The following SV2C variants were observed in gnomAD, a reference collection of about 807,000 sequenced individuals.
SV2C encodes the protein synaptic vesicle glycoprotein 2C.
Under a neutral mutation model 79.7 loss-of-function variants are expected in SV2C, and 49 were observed. That is an observed-to-expected ratio of 0.61 (90% CI 0.49 to 0.78). SV2C has a LOEUF of 0.78. Among genes scored for constraint, SV2C ranks in the 30% least tolerant of loss-of-function variants. SV2C has a pLI of 0.00. For synonymous variants in SV2C, 334 were observed against 333.2 expected, an observed-to-expected ratio of 1.00 and a Z score of -0.03; for missense variants, 833 against 912.9, an observed-to-expected ratio of 0.91 and a Z score of 1.13.
rs139875714 is a variant in SV2C, at chr5:76,169,704, T to G, written c.581-25215T>G. Among the ~76,000 whole-genome samples the G allele has an allele frequency of 2.1e-3, 315 of 152,318 alleles. 3 individuals carry two copies. The highest frequency in any genetic ancestry group is 4.6e-3 in the African/African-American group (190 of 41,582). On this transcript the variant is annotated intron_variant, in intron 2 of 12. Coordinates refer to ENST00000502798, the MANE Select transcript of SV2C (RefSeq NM_014979.4). ...ACCGATTAAGGAAGCTCACAGACAC[T>G]GTTGATGCTGCTTGGAAACCAGTCC...
the SV2C span, among the ~76,000 whole-genome samples, chr5:75,958,645 T>C: frequency 3.3e-4 from 50 of 152,024 alleles, no homozygotes; most frequent in Admixed American, 1.6e-3. Flanking sequence ...TAGTCACTAC[T>C]TCTGGCTTTG....
At chr5:76,010,918 C>T in the SV2C span, among the ~76,000 whole-genome samples, 1 of 152,118 alleles carries the variant, frequency 6.6e-6, no homozygotes. Context: ...TACTGGTGGG[C>T]TCATTGAACC....
the SV2C span, among the ~76,000 whole-genome samples, chr5:75,997,439 C>T: frequency 2.6e-5 from 4 of 151,862 alleles, no homozygotes; most frequent in Admixed American, 2.6e-4. Context: ...GCAATCTACT[C>T]ATCTGACAAA....
intron 2 of SV2C, among the ~76,000 whole-genome samples, chr5:76,163,879 G>A (rs1742966810): frequency 6.6e-6 from 1 of 152,130 alleles, no homozygotes; most frequent in African/African-American, 2.4e-5. Context: ...AGGGCAAATG[G>A]AAGGAACCTC....
At chr5:76,151,276 G>A (rs1749595146) in intron 2 of SV2C, among the ~76,000 whole-genome samples, 1 of 152,188 alleles carries the variant, frequency 6.6e-6, no homozygotes, top group Non-Finnish European at 1.5e-5. Context: ...ATAGATTACA[G>A]TTCCAGTTTG....
chr5:76,123,866 A>G (rs1748616801), intron 1 of SV2C, among the ~76,000 whole-genome samples: 1 of 152,174 alleles, frequency 6.6e-6, no homozygotes, highest in African/African-American at 2.4e-5. Flanking sequence ...CACTAACCCA[A>G]CAAATGAGAA....
the SV2C span, among the ~76,000 whole-genome samples, chr5:75,945,490 AT>A: frequency 4.6e-5 from 7 of 150,968 alleles, no homozygotes; most frequent in African/African-American, 1.5e-4. Flanking sequence ...TATTATTATT[AT>A]TTTTTTTGGT....
At chr5:76,046,130 G>A in the SV2C span, among the ~76,000 whole-genome samples, 1 of 152,050 alleles carries the variant, frequency 6.6e-6, no homozygotes, top group Admixed American at 6.5e-5. Context: ...AGGGTGAGGG[G>A]GAAGGAAGTG....
At position 76,091,007 on chromosome 5, in the gene SV2C, A is replaced by G. The variant is rs934935296; in HGVS notation, c.-102+7495A>G. 2.0e-5 allele frequency among the ~76,000 whole-genome samples: 3 copies of G among 152,260 alleles called. No individual in the cohort carries two copies. In the East Asian group the frequency reaches 5.8e-4, roughly 29 times the overall value. ...TTTAATATCACTTTTTAGTAGTTCT[A>G]AGCACGCCAATTTTCTTGATTTCAT... On this transcript the variant is annotated intron_variant, in intron 1 of 12. Transcript: ENST00000502798.
chr5:76,227,232 C>T (rs947832220), intron 4 of SV2C, among the ~76,000 whole-genome samples: 6 of 152,144 alleles, frequency 3.9e-5, no homozygotes, highest in Non-Finnish European at 1.5e-5. Context: ...GCAGAAGACC[C>T]CATAGTGAAC....
rs369471015 is a variant in SV2C, at chr5:76,182,772, T to A, written c.581-12147T>A. 1.1e-4 allele frequency among the ~76,000 whole-genome samples: 17 copies of A among 152,204 alleles called. No individual in the cohort carries two copies. The East Asian group carries it at 2.3e-3, about 21-fold the overall frequency. ...AAAGAAATACCTGAGACTGGGTAAT[T>A]TATAAAGAAAGGGTCGTGATGCTGC... On this transcript the variant is annotated intron_variant, in intron 2 of 12. Transcript: ENST00000502798.
At chr5:76,277,256 C>G (rs1747050256) in intron 4 of SV2C, among the ~76,000 whole-genome samples, 1 of 152,174 alleles carries the variant, frequency 6.6e-6, no homozygotes, top group South Asian at 2.1e-4. Flanking sequence ...TACATATTTA[C>G]CCAAGGAAAT....
chr5:76,112,873 T>C lies in SV2C; in HGVS notation c.-101-18777T>C, dbSNP rs1359163561. On this transcript the variant is annotated intron_variant, in intron 1 of 12. Coordinates refer to ENST00000502798, the MANE Select transcript of SV2C (RefSeq NM_014979.4). ...TTATACCTTCCTCCATGGCACTAATTTATAGTGGATAACAATGTCAGGGAG... is the reference window on the plus strand; with the variant it reads ...TTATACCTTCCTCCATGGCACTAATCTATAGTGGATAACAATGTCAGGGAG... 3.9e-5 allele frequency among the ~76,000 whole-genome samples: 6 copies of C among 152,280 alleles called. No individual in the cohort carries two copies. The East Asian group carries it at 9.7e-4, about 25-fold the overall frequency.
intron 12 of SV2C, among the ~76,000 whole-genome samples, chr5:76,306,826 T>C (rs990540780): frequency 6.6e-5 from 10 of 152,164 alleles, no homozygotes; most frequent in African/African-American, 2.2e-4. Flanking sequence ...TAAAAATTAA[T>C]TACAAATTAA....
chr5:76,238,564 A>G (rs945974663), intron 4 of SV2C, among the ~76,000 whole-genome samples: 8 of 152,164 alleles, frequency 5.3e-5, no homozygotes, highest in African/African-American at 1.9e-4. Flanking sequence ...AGAGCGAAGC[A>G]CGGAAAATCT....
chr5:75,852,152 C>T, the SV2C span, among the ~76,000 whole-genome samples: 2 of 151,902 alleles, frequency 1.3e-5, no homozygotes, highest in African/African-American at 4.8e-5. Flanking sequence ...CATCACACAC[C>T]AGGGCCTGTC....
intron 1 of SV2C, among the ~76,000 whole-genome samples, chr5:76,086,153 T>C (rs1381060868): frequency 2.6e-5 from 4 of 152,340 alleles, no homozygotes; most frequent in Admixed American, 6.5e-5. Context: ...GTAAAACTCC[T>C]ATTCATTATT....
At chr5:76,290,587 G>T (rs943391059) in intron 6 of SV2C, among the ~76,000 whole-genome samples, 1 of 152,170 alleles carries the variant, frequency 6.6e-6, no homozygotes, top group East Asian at 1.9e-4. Context: ...CATAGATGCT[G>T]CTTTTCATGC....
At chr5:76,099,663 T>A (rs1747673802) in intron 1 of SV2C, among the ~76,000 whole-genome samples, 1 of 152,172 alleles carries the variant, frequency 6.6e-6, no homozygotes, top group Non-Finnish European at 1.5e-5. Flanking sequence ...ACATAACATC[T>A]TCTCAGGCTA....
Sources: allele counts gnomAD v4.1 joint callset (sites outside exome capture counted in the v4.1 genomes callset), GRCh38; gene constraint gnomAD v4.1.1; transcripts MANE v1.5; gene names NCBI Gene and HGNC (gene_info 2026-07-23, HGNC 2026-07-21).